The following TAS2R1 variants were observed in gnomAD, a reference collection of about 807,000 sequenced individuals.
TAS2R1 encodes the protein taste receptor type 2 member 1.
For missense variants in TAS2R1, 370 were observed against 353.4 expected (o/e 1.05, Z -0.38); for synonymous variants, 141 against 134.2 (o/e 1.05, Z -0.35).
At chr5:9,718,358 C>T in the TAS2R1 span, among the ~76,000 whole-genome samples, 1 of 152,078 alleles carries the variant, frequency 6.6e-6, no homozygotes, top group Admixed American at 6.5e-5. Flanking sequence ...ATGTACAAGG[C>T]ACTTTGCAAA....
chr5:9,813,942 C>T, the TAS2R1 span, among the ~76,000 whole-genome samples: 1 of 152,164 alleles, frequency 6.6e-6, no homozygotes, highest in Non-Finnish European at 1.5e-5. Context: ...ATTTTTCCTT[C>T]ATATTCCTTA....
chr5:9,635,117 C>A (rs749165613), upstream of TAS2R1, among the ~76,000 whole-genome samples: 1 of 151,908 alleles, frequency 6.6e-6, no homozygotes, highest in African/African-American at 2.4e-5. Context: ...TGAGGTATGT[C>A]CCTTCTATGC....
At chr5:9,861,425 T>C in the TAS2R1 span, among the ~76,000 whole-genome samples, 1 of 152,332 alleles carries the variant, frequency 6.6e-6, no homozygotes, top group East Asian at 1.9e-4. Context: ...GGCAATTAAT[T>C]GCCTGCAACA....
At chr5:9,869,699 T>C in the TAS2R1 span, among the ~76,000 whole-genome samples, 1 of 152,242 alleles carries the variant, frequency 6.6e-6, no homozygotes, top group Non-Finnish European at 1.5e-5. Flanking sequence ...CCTGTGTGAC[T>C]CCACTGGGAC....
At chr5:9,807,193 C>G in the TAS2R1 span, among the ~76,000 whole-genome samples, 1 of 151,776 alleles carries the variant, frequency 6.6e-6, no homozygotes, top group African/African-American at 2.4e-5. Context: ...AAATAAAAAC[C>G]ACAATGCAAT....
the TAS2R1 span, among the ~76,000 whole-genome samples, chr5:9,735,500 G>A: frequency 2.0e-5 from 3 of 151,264 alleles, no homozygotes; most frequent in East Asian, 5.8e-4. Context: ...TATTTACTAT[G>A]CTATGCTGTG....
upstream of TAS2R1, chr5:9,714,168 G>A (rs1734760333): frequency 6.6e-6 from 1 of 152,136 alleles, no homozygotes; most frequent in African/African-American, 2.4e-5. Flanking sequence ...ATTTGAACAG[G>A]TCCCTAAAGA....
intron 1 of TAS2R1, among the ~76,000 whole-genome samples, chr5:9,676,110 G>C (rs1021786861): frequency 3.3e-5 from 5 of 152,110 alleles, no homozygotes; most frequent in African/African-American, 1.2e-4. Flanking sequence ...AGATTTTCAT[G>C]TGATTTTTAC....
rs739598 is a variant in TAS2R1 at position 9,646,525 on chromosome 5, C to A, written c.-81+12896G>T. Among the ~76,000 whole-genome samples the A allele has an allele frequency of 4.2e-3, 643 of 152,300 alleles. 4 individuals carry two copies. The highest frequency in any genetic ancestry group is 0.015 in the African/African-American group (611 of 41,580). ...AGTGCCATTTCTGCCCTGGTCCAAA[C>A]TCAAATGGTTCTCTTTTGTCGTAGG... On this transcript the variant is annotated intron_variant, in intron 2 of 2. Coordinates refer to the TAS2R1 transcript ENST00000506620.
chr5:9,753,548 T>C, the TAS2R1 span, among the ~76,000 whole-genome samples: 1 of 152,168 alleles, frequency 6.6e-6, no homozygotes, highest in Non-Finnish European at 1.5e-5. Flanking sequence ...GCTCTTTAGT[T>C]TAATTAGATC....
chr5:9,877,203 GA>G, the TAS2R1 span, among the ~76,000 whole-genome samples: 1 of 152,214 alleles, frequency 6.6e-6, no homozygotes, highest in African/African-American at 2.4e-5. Context: ...CACTCTTCAA[GA>G]AGATTGAATG....
At chr5:9,819,091 T>C in the TAS2R1 span, among the ~76,000 whole-genome samples, 1 of 152,166 alleles carries the variant, frequency 6.6e-6, no homozygotes, top group Non-Finnish European at 1.5e-5. Context: ...CTGCCCTCCT[T>C]AGAGCCCTCA....
the TAS2R1 span, among the ~76,000 whole-genome samples, chr5:9,729,609 A>G: frequency 6.6e-6 from 1 of 152,124 alleles, no homozygotes; most frequent in Non-Finnish European, 1.5e-5. Context: ...TTTAGGGTAC[A>G]TGTGCACAAT....
At chr5:9,755,309 C>G in the TAS2R1 span, among the ~76,000 whole-genome samples, 441 of 152,198 alleles carry the variant, frequency 2.9e-3, 4 homozygotes, top group Middle Eastern at 0.01. Flanking sequence ...AGAAATAGGC[C>G]AGGCATGGTG....
chr5:9,893,329 T>A, the TAS2R1 span, among the ~76,000 whole-genome samples: 34 of 152,120 alleles, frequency 2.2e-4, no homozygotes, highest in Admixed American at 2.2e-3. Context: ...TGTTTTCTTT[T>A]GTCCATTATC....
the TAS2R1 span, among the ~76,000 whole-genome samples, chr5:9,823,623 G>A: frequency 1.6e-5 from 2 of 125,718 alleles, no homozygotes; most frequent in Non-Finnish European, 3.3e-5. Context: ...GGGAGGAGAG[G>A]GAAAGGGAGG....
At chr5:9,793,566 T>A in the TAS2R1 span, among the ~76,000 whole-genome samples, 11 of 152,120 alleles carry the variant, frequency 7.2e-5, no homozygotes, top group African/African-American at 2.4e-4. Context: ...CAGATGCCCA[T>A]ATGCACACTC....
chr5:9,651,298 C>T (rs557132812), intron 2 of TAS2R1, among the ~76,000 whole-genome samples: 1 of 152,276 alleles, frequency 6.6e-6, no homozygotes, highest in East Asian at 1.9e-4. Flanking sequence ...TAAATCTGTG[C>T]AGTGACTTAT....
In TAS2R1 at chr5:9,669,002, C is replaced by A. The variant is rs543060537; in HGVS notation, c.-241-9421G>T. 4.9e-4 allele frequency among the ~76,000 whole-genome samples: 74 copies of A among 152,284 alleles called. No homozygotes were observed. In the Middle Eastern group the frequency reaches 0.014, roughly 28 times the overall value. ...TAAAGAAGCAAGACCCAACTATATG[C>A]TGTCTATAAGAGACCTGTCTAACAT... On this transcript the variant is annotated intron_variant, in intron 1 of 2. Transcript: ENST00000506620.
Sources: allele counts gnomAD v4.1 joint callset (sites outside exome capture counted in the v4.1 genomes callset), GRCh38; gene constraint gnomAD v4.1.1; transcripts MANE v1.5; gene names NCBI Gene and HGNC (gene_info 2026-07-23, HGNC 2026-07-21).